The following ATG7 variants were observed in gnomAD, a reference collection of about 807,000 sequenced individuals.
ATG7 encodes ubiquitin-like modifier-activating enzyme ATG7.
Under a neutral mutation model 82.4 loss-of-function variants are expected in ATG7, and 70 were observed. The observed-to-expected ratio is 0.85, with a 90% confidence interval of 0.70 to 1.04. ATG7 has a LOEUF of 1.04. ATG7 is among the 50% of genes least tolerant of loss of function. The probability of loss-of-function intolerance (pLI) is 0.00; values close to 1 mark genes in which losing one functional copy is unlikely to be tolerated. For synonymous variants in ATG7, 287 were observed against 313.0 expected, an observed-to-expected ratio of 0.92 and a Z score of 0.88; for missense variants, 792 against 864.3, an observed-to-expected ratio of 0.92 and a Z score of 1.05.
At chr3:11,536,676 G>A (rs952988344) in intron 20 of ATG7, among the ~76,000 whole-genome samples, 1 of 152,130 alleles carries the variant, frequency 6.6e-6, no homozygotes, top group Non-Finnish European at 1.5e-5. Context: ...GCACCCATAG[G>A]TGCGGAACGA....
chr3:11,550,170 CAG>C (rs1403957267), intron 20 of ATG7, among the ~76,000 whole-genome samples: 3 of 152,032 alleles, frequency 2.0e-5, no homozygotes, highest in Non-Finnish European at 4.4e-5. Flanking sequence ...TTCATTTTCT[CAG>C]TGGTATCCTT....
intron 19 of ATG7, among the ~76,000 whole-genome samples, chr3:11,411,471 A>C (rs2080886366): frequency 6.6e-6 from 1 of 151,916 alleles, no homozygotes; most frequent in South Asian, 2.1e-4. Flanking sequence ...AAATACAAAA[A>C]TTAGCCAGGC....
At chr3:11,573,763 T>C in the ATG7 span, among the ~76,000 whole-genome samples, 2 of 152,368 alleles carry the variant, frequency 1.3e-5, no homozygotes, top group South Asian at 4.1e-4. Flanking sequence ...CTTTAATTTC[T>C]GTAATGGGTT....
At position 11,466,178 on chromosome 3, in the gene ATG7, C is replaced by T. The variant is rs1330574549; in HGVS notation, c.2079+39252C>T. Among the ~76,000 whole-genome samples, 26 of 152,210 alleles carry T rather than the reference C, an allele frequency of 1.7e-4. 1 individual carries two copies. The highest frequency in any genetic ancestry group is 1.5e-5 in the Non-Finnish European group (1 of 68,042). On this transcript the variant is annotated intron_variant, in intron 20 of 20. Coordinates refer to ENST00000693202, the MANE Select transcript of ATG7 (RefSeq NM_001349232.2). Reference sequence around the variant, plus strand: ...TCCTCTAGCGAGAAGCTGCTGCAGACATCACAAGACTTGTTATACAAGGAA... The same window carrying T: ...TCCTCTAGCGAGAAGCTGCTGCAGATATCACAAGACTTGTTATACAAGGAA...
chr3:11,452,712 G>T (rs2085313262), intron 20 of ATG7, among the ~76,000 whole-genome samples: 2 of 152,234 alleles, frequency 1.3e-5, no homozygotes, highest in African/African-American at 2.4e-5. Flanking sequence ...AGTCACCACA[G>T]GCTTGAAGAC....
At chr3:11,372,833 TGTGCGTGCGTGCGTGTGC>T (rs1347075608) in intron 18 of ATG7, among the ~76,000 whole-genome samples, 3 of 122,900 alleles carry the variant, frequency 2.4e-5, no homozygotes, top group African/African-American at 9.3e-5. Context: ...TGTGCGTGTG[TGTGCGTGCGTGCGTGTGC>T]GTGTGTGTGT....
chr3:11,570,413 T>C, the ATG7 span, among the ~76,000 whole-genome samples: 3 of 152,214 alleles, frequency 2.0e-5, no homozygotes, highest in African/African-American at 7.2e-5. Context: ...ACGCTGGCTT[T>C]CTCAGTCAGT....
chr3:11,272,868 A>C (rs1022385668), intron 1 of ATG7, among the ~76,000 whole-genome samples: 1 of 152,172 alleles, frequency 6.6e-6, no homozygotes, highest in African/African-American at 2.4e-5. Flanking sequence ...CCATTTGTTT[A>C]AGTGAGGAGG....
intron 20 of ATG7, among the ~76,000 whole-genome samples, chr3:11,434,148 G>C (rs745857199): frequency 1.3e-4 from 20 of 152,092 alleles, no homozygotes; most frequent in South Asian, 4.1e-4. Flanking sequence ...CTGAGATTTT[G>C]GCCTCTCCCC....
At chr3:11,459,026 C>A (rs372883269) in intron 20 of ATG7, among the ~76,000 whole-genome samples, 1 of 152,124 alleles carries the variant, frequency 6.6e-6, no homozygotes. Context: ...CATCACCCCC[C>A]CATCTATGGA....
intron 3 of ATG7, among the ~76,000 whole-genome samples, chr3:11,294,037 A>AAAAG (rs1293359697): frequency 6.6e-6 from 1 of 151,418 alleles, no homozygotes; most frequent in Non-Finnish European, 1.5e-5. Context: ...AAAAAAAAGA[A>AAAAG]AAAGAAAGAA....
intron 20 of ATG7, among the ~76,000 whole-genome samples, chr3:11,478,539 C>G (rs979243529): frequency 6.6e-6 from 1 of 152,176 alleles, no homozygotes; most frequent in African/African-American, 2.4e-5. Flanking sequence ...TAGCCACTAT[C>G]TCTGACTATT....
Position 11,422,740 on chromosome 3 carries a change from C to CTTTTTTTTTTT in ATG7, c.1957-4045_1957-4035dup, listed in dbSNP as rs557755646. The stretch of plus-strand genomic sequence containing the variant: ...CCTCACTATGCTTAATCATTTCTAG[C>CTTTTTTTTTTT]TTTTTTTTTTTTTTTTTTTTTTTTT... On this transcript the variant is annotated intron_variant, in intron 19 of 20. Transcript: ENST00000693202. Among the ~76,000 whole-genome samples, 115 of 49,554 alleles carry CTTTTTTTTTTT rather than the reference C, an allele frequency of 2.3e-3. 32 individuals carry two copies. Among genetic ancestry groups the CTTTTTTTTTTT allele is most frequent in the African/African-American group, 5.7e-3 (56 of 9,874 alleles). 32.5% of individuals were successfully genotyped at this position (49,554 alleles called of 152,430 possible).
chr3:11,378,577 C>T (rs965571282), intron 18 of ATG7, among the ~76,000 whole-genome samples: 4 of 145,128 alleles, frequency 2.8e-5, no homozygotes, highest in African/African-American at 7.7e-5. Flanking sequence ...TCCAGCTACT[C>T]GGGAGGCTGA....
At chr3:11,465,388 T>G (rs2086727036) in intron 20 of ATG7, among the ~76,000 whole-genome samples, 1 of 148,538 alleles carries the variant, frequency 6.7e-6, no homozygotes, top group African/African-American at 2.5e-5. Context: ...AAGCTTGCAG[T>G]GAGCCAAGAT....
At chr3:11,557,859 C>G (rs2072585642), downstream of ATG7, 1 of 152,316 alleles carries the variant, frequency 6.6e-6, no homozygotes, top group Non-Finnish European at 1.5e-5. Context: ...GTTGCAAGCA[C>G]CTGAAATCTA....
At chr3:11,471,444 C>T (rs1438383812) in intron 20 of ATG7, among the ~76,000 whole-genome samples, 1 of 152,192 alleles carries the variant, frequency 6.6e-6, no homozygotes, top group African/African-American at 2.4e-5. Context: ...CCCTCAGTAC[C>T]TAGCATAACA....
intron 20 of ATG7, among the ~76,000 whole-genome samples, chr3:11,528,825 C>CAAAA (rs11377789): frequency 5.6e-5 from 5 of 88,714 alleles, no homozygotes; most frequent in African/African-American, 7.8e-5. Context: ...GACTCCATCT[C>CAAAA]AAAAAAAAAA....
chr3:11,573,318 A>AG, the ATG7 span, among the ~76,000 whole-genome samples: 9 of 19,974 alleles, frequency 4.5e-4, 1 homozygote, highest in African/African-American at 1.9e-3. Context: ...GAAGGAAGGA[A>AG]GAAAGAAAGA....
Sources: allele counts gnomAD v4.1 joint callset (sites outside exome capture counted in the v4.1 genomes callset), GRCh38; gene constraint gnomAD v4.1.1; transcripts MANE v1.5; gene names NCBI Gene and HGNC (gene_info 2026-07-23, HGNC 2026-07-21).